The following RIMBP2 variants were observed in gnomAD, a reference collection of about 807,000 sequenced individuals.
The protein encoded by RIMBP2 is RIMS binding protein 2, also known as RIMS-binding protein 2.
RIMBP2 carries 48 observed loss-of-function variants against 118.6 expected under a neutral mutation model. The ratio of observed to expected loss-of-function variants is 0.40; its 90% CI spans 0.32 to 0.51. RIMBP2 has a LOEUF of 0.51. RIMBP2 is among the 20% of genes least tolerant of loss of function. The pLI, the probability that RIMBP2 is intolerant of heterozygous loss-of-function variation, is 0.41. For synonymous variants in RIMBP2, 762 were observed against 742.9 expected, an observed-to-expected ratio of 1.03 and a Z score of -0.42; for missense variants, 1,551 against 1,768.3, an observed-to-expected ratio of 0.88 and a Z score of 2.20.
intron 5 of RIMBP2, chr12:130,472,122 T>A (rs973096387): frequency 4.6e-5 from 7 of 152,286 alleles, no homozygotes; most frequent in Admixed American, 1.3e-4. Flanking sequence ...CCTGGTGATG[T>A]CGGGGAGGCC....
chr12:130,460,137 G>A (rs2079845208), intron 6 of RIMBP2, among the ~76,000 whole-genome samples: 1 of 152,182 alleles, frequency 6.6e-6, no homozygotes, highest in African/African-American at 2.4e-5. Flanking sequence ...AAGGAACCCT[G>A]AGACCCCTGC....
intron 2 of RIMBP2, among the ~76,000 whole-genome samples, chr12:130,521,854 G>T (rs1245479876): frequency 6.6e-6 from 1 of 152,226 alleles, no homozygotes; most frequent in Non-Finnish European, 1.5e-5. Context: ...GGACATGTAA[G>T]CATTGCAATG....
intron 7 of RIMBP2, among the ~76,000 whole-genome samples, chr12:130,452,005 C>T (rs1169265263): frequency 2.0e-5 from 3 of 152,202 alleles, no homozygotes; most frequent in African/African-American, 4.8e-5. Context: ...CCTGGGGTCT[C>T]AGGGGCTGCT....
At position 130,485,726 on chromosome 12, in the gene RIMBP2, G is replaced by A. The variant is rs116137953; in HGVS notation, c.-3-6710C>T. 3.0e-3 allele frequency among the ~76,000 whole-genome samples: 456 copies of A among 152,302 alleles called. 2 individuals carry two copies. Among genetic ancestry groups the A allele is most frequent in the African/African-American group, 0.01 (425 of 41,564 alleles). On this transcript the variant is annotated intron_variant, in intron 4 of 22. Transcript: ENST00000690449. Reference sequence around the variant, plus strand: ...TCGCTAGGTAGATTCACCAGGCACCGAAACAGCTCCGGGCGTGGTCCTGCG... The same window carrying A: ...TCGCTAGGTAGATTCACCAGGCACCAAAACAGCTCCGGGCGTGGTCCTGCG...
intron 2 of RIMBP2, among the ~76,000 whole-genome samples, chr12:130,611,280 G>A (rs2060529316): frequency 1.3e-5 from 2 of 152,184 alleles, no homozygotes; most frequent in South Asian, 4.1e-4. Context: ...GACCCCACAG[G>A]GGAAGCACTC....
chr12:130,538,460 C>T (rs2054269285), intron 2 of RIMBP2, among the ~76,000 whole-genome samples: 2 of 152,052 alleles, frequency 1.3e-5, no homozygotes, highest in Non-Finnish European at 2.9e-5. Context: ...AAAGATCACA[C>T]AGAGAATCCC....
chr12:130,543,115 C>T (rs943601733), intron 2 of RIMBP2, among the ~76,000 whole-genome samples: 1 of 152,240 alleles, frequency 6.6e-6, no homozygotes, highest in African/African-American at 2.4e-5. Flanking sequence ...CCTAATGAGG[C>T]TGTCAGGCTA....
intron 6 of RIMBP2, among the ~76,000 whole-genome samples, chr12:130,463,301 C>T (rs2080169176): frequency 6.6e-6 from 1 of 152,218 alleles, no homozygotes. Flanking sequence ...TGCTGCTCCT[C>T]CCCATCCCGA....
At chr12:130,438,335 A>ACCCCCCCCC (rs146625626) in intron 12 of RIMBP2, 30 bp downstream of exon 12, 439 of 865,440 alleles carry the variant, frequency 5.1e-4, no homozygotes, top group Admixed American at 1.0e-3. Context: ...GGCCTAACAA[A>ACCCCCCCCC]CCCTCCCCAC....
At chr12:130,672,642 G>A (rs76204427) in intron 1 of RIMBP2, among the ~76,000 whole-genome samples, 2,608 of 152,276 alleles carry the variant, frequency 0.017, 70 homozygotes, top group African/African-American at 0.06. Flanking sequence ...AAACCTCCAC[G>A]GGGGGTTGCA....
At chr12:130,530,889 G>A (rs2053301448) in intron 2 of RIMBP2, among the ~76,000 whole-genome samples, 1 of 152,176 alleles carries the variant, frequency 6.6e-6, no homozygotes, top group South Asian at 2.1e-4. Context: ...TGGTGGTTCT[G>A]CAAGCTGGTC....
At chr12:130,443,663 TC>T in intron 10 of RIMBP2, among the ~76,000 whole-genome samples, 1 of 152,334 alleles carries the variant, frequency 6.6e-6, no homozygotes, top group East Asian at 1.9e-4. Context: ...GTTCCAAACC[TC>T]CACCTAGGGT....
intron 1 of RIMBP2, among the ~76,000 whole-genome samples, chr12:130,662,965 A>C (rs1189333062): frequency 2.0e-5 from 3 of 152,184 alleles, no homozygotes; most frequent in Admixed American, 6.5e-5. Flanking sequence ...AAAAAAAAGA[A>C]TCTGGATGTC....
rs2076337940 is a variant in RIMBP2 at position 130,420,308 on chromosome 12, C to CTG, written c.3238+2144_3238+2145insCA. ...TTATTTTATGTGGTGTCCCGGCTTG[C>CTG]TACATGATAAGAAGTCAGCACAATT... is the stretch of plus-strand genomic sequence containing the variant. On this transcript the variant is annotated intron_variant, in intron 17 of 22. Coordinates refer to ENST00000690449, the MANE Select transcript of RIMBP2 (RefSeq NM_001393629.1). This position sits in a 1 kb window ranked among gnomAD's most constrained non-coding sequence, Gnocchi z 4.3. Among the ~76,000 whole-genome samples the CTG allele has an allele frequency of 6.6e-6, 1 of 152,254 alleles. No individual in the cohort carries two copies. Among genetic ancestry groups the CTG allele is most frequent in the African/African-American group, 2.4e-5 (1 of 41,542 alleles).
intron 6 of RIMBP2, chr12:130,470,298 C>G (rs980495337): frequency 1.7e-5 from 3 of 173,412 alleles, no homozygotes; most frequent in Non-Finnish European, 1.2e-5. Context: ...CATCAGAGAC[C>G]AGGATGGCCT....
At chr12:130,443,097 AC>A (rs1167783447) in intron 10 of RIMBP2, among the ~76,000 whole-genome samples, 2 of 152,194 alleles carry the variant, frequency 1.3e-5, no homozygotes, top group African/African-American at 4.8e-5. Flanking sequence ...AAGAAAATAA[AC>A]ATCTTACTAT....
chr12:130,468,569 T>G (rs575842450), intron 6 of RIMBP2, among the ~76,000 whole-genome samples: 4 of 152,002 alleles, frequency 2.6e-5, no homozygotes, highest in East Asian at 3.9e-4. Flanking sequence ...CAGCCTCTCC[T>G]CCACCCCAGG....
At chr12:130,692,178 A>G (rs947054067) in intron 1 of RIMBP2, among the ~76,000 whole-genome samples, 1 of 152,118 alleles carries the variant, frequency 6.6e-6, no homozygotes, top group South Asian at 2.1e-4. Flanking sequence ...CTCTGGAATG[A>G]TACCTCAGCA....
chr12:130,621,864 GAGGCCAGC>G lies in RIMBP2; in HGVS notation c.-217+6450_-217+6457del, dbSNP rs556643022. ...CCATCGCTGAACCCAGCCTGGTACT[GAGGCCAGC>G]AGGCCAGCATCACACACACTTCCCG... On this transcript the variant is annotated intron_variant, in intron 2 of 22. Coordinates refer to ENST00000690449, the MANE Select transcript of RIMBP2 (RefSeq NM_001393629.1). This position sits in a 1 kb window ranked among gnomAD's most constrained non-coding sequence, Gnocchi z 6.6. 6.6e-5 allele frequency among the ~76,000 whole-genome samples: 10 copies of G among 152,178 alleles called. No homozygotes were observed. The highest frequency in any genetic ancestry group is 1.9e-4 in the African/African-American group (8 of 41,428).
Sources: gnomAD v4.1 joint callset for allele counts (sites outside exome capture counted in the v4.1 genomes callset) on GRCh38, gnomAD v4.1.1 for gene constraint, Gnocchi (gnomAD v3.1) non-coding constraint, MANE v1.5 for transcripts, NCBI Gene and HGNC (gene_info 2026-07-23, HGNC 2026-07-21) for gene names.